The following LRP3 variants were observed in gnomAD, a reference collection of about 807,000 sequenced individuals.
LRP3 encodes low-density lipoprotein receptor-related protein 3.
LRP3 carries 49 observed loss-of-function variants against 58.5 expected under a neutral mutation model. The observed-to-expected ratio is 0.84, with a 90% CI of 0.67 to 1.06. LRP3 has a LOEUF of 1.06. Among genes scored for constraint, LRP3 ranks in the 50% least tolerant of loss-of-function variants. The pLI, the probability that LRP3 is intolerant of heterozygous loss-of-function variation, is 0.00. For synonymous variants in LRP3, 485 were observed against 492.2 expected (o/e 0.99, Z 0.20); for missense variants, 1,019 against 1,134.2 (o/e 0.90, Z 1.46).
intron 5 of LRP3, 100 bp from the exon 6 acceptor site, chr19:33,206,494 CTATATCT>C: frequency 1.3e-6 from 2 of 1,592,572 alleles, no homozygotes; most frequent in Non-Finnish European, 1.7e-6. Context: ...ACTGGGGTCC[CTATATCT>C]TGGGGTGTCT....
Position 33,202,932 on chromosome 19 carries a change from G to T in LRP3, c.206G>T (p.Gly69Val). The change falls in exon 3 of 7, where the codon GGC (glycine) becomes GTC (valine). Residue 69 changes from glycine (G) to valine (V), a missense_variant. Gly to Val is a moderately radical substitution (Grantham distance 109, BLOSUM62 -3). Around this residue, in one of 2 missense-constraint regions of LRP3, gnomAD observed 592 missense variants for 725.5 expected, o/e 0.82. Coordinates refer to ENST00000253193, the MANE Select transcript of LRP3 (RefSeq NM_002333.4). ...GCCTGGCCCCTCAACTACCCGCCAG[G>T]CACCAACTGCAGCTGGTACATCCAG... ...SPAWPLNYPP[G>V]TNCSWYIQGD... 6.2e-7 allele frequency: 1 copy of T among 1,612,430 alleles called. No individual in the cohort carries two copies. Among genetic ancestry groups the T allele is most frequent in the Non-Finnish European group, 8.5e-7 (1 of 1,179,436 alleles).
At position 33,194,356 on chromosome 19, in the gene LRP3, G is replaced by C. The variant is rs1004216194; in HGVS notation, c.-430G>C. On this transcript the variant is annotated 5_prime_UTR_variant, in exon 1 of 7. Coordinates refer to ENST00000253193, the MANE Select transcript of LRP3 (RefSeq NM_002333.4). ...ACAGACCCACGGACGCTCTACCGGC[G>C]GCACCCGGCCGGGCGGGCTGGGCGC... Among the ~76,000 whole-genome samples, 21 of 145,754 alleles carry C rather than the reference G, an allele frequency of 1.4e-4. No homozygotes were observed. Among genetic ancestry groups the C allele is most frequent in the Admixed American group, 1.3e-3 (19 of 14,704 alleles).
At position 33,195,897 on chromosome 19, in the gene LRP3, T is replaced by A. The variant is rs1041890369; in HGVS notation, c.74-833T>A. On this transcript the variant is annotated intron_variant, in intron 1 of 6. Coordinates refer to ENST00000253193, the MANE Select transcript of LRP3 (RefSeq NM_002333.4). ...ATGCTTAGGAGCTTTGGCCTGGCTC[T>A]GTCCAGGGGGCCTGGGTGTCCTGGG... 1.2e-4 allele frequency among the ~76,000 whole-genome samples: 19 copies of A among 152,284 alleles called. No homozygotes were observed. In the East Asian group the frequency reaches 3.5e-3, roughly 28 times the overall value.
chr19:33,206,053 G>T lies in LRP3; in HGVS notation c.1283G>T (p.Gly428Val). ...CAGTACCCCTGCGAGGGTGGCAGTGGTCTGTGCTACACGCCTGCCGACCGC... is the reference window on the plus strand; with the variant it reads ...CAGTACCCCTGCGAGGGTGGCAGTGTTCTGTGCTACACGCCTGCCGACCGC... The part of the protein sequence containing the change: ...PDQYPCEGGS[G>V]LCYTPADRCN... The change falls in exon 5 of 7, where the codon GGT becomes GTT. Residue 428 changes from glycine (G) to valine (V), a missense_variant. Gly to Val is a moderately radical substitution (Grantham distance 109). Around this residue, in one of 2 missense-constraint regions of LRP3, gnomAD observed 592 missense variants for 725.5 expected, o/e 0.82. Transcript: ENST00000253193. 6.2e-7 allele frequency: 1 copy of T among 1,602,620 alleles called. No homozygotes were observed. Among genetic ancestry groups the T allele is most frequent in the East Asian group, 2.3e-5 (1 of 44,330 alleles).
chr19:33,205,203 C>T lies in LRP3; in HGVS notation c.476-43C>T, dbSNP rs768088365. 6 of 1,581,442 alleles carry T rather than the reference C, an allele frequency of 3.8e-6. No individual in the cohort carries two copies. The East Asian group carries it at 1.4e-4, about 37-fold the overall frequency. ...CAGGCCCCCTGGCCGAAGGGAGGCT[C>T]TTCTGTCTCCTGACTGTCCCCTGCT... is the stretch of plus-strand genomic sequence containing the variant. On this transcript the variant is annotated intron_variant, in intron 4 of 6. Transcript: ENST00000253193.
intron 2 of LRP3, among the ~76,000 whole-genome samples, chr19:33,201,258 C>T (rs953800171): frequency 6.6e-6 from 1 of 152,174 alleles, no homozygotes; most frequent in Non-Finnish European, 1.5e-5. Flanking sequence ...TGGGGGCTAT[C>T]CCGGAGGGCT....
At position 33,205,849 on chromosome 19, in the gene LRP3, C is replaced by A; in HGVS notation, c.1079C>A (p.Ala360Asp). The change falls in exon 5 of 7, where the codon GCC (alanine) becomes GAC (aspartate). Residue 360 changes from alanine (A) to aspartate (D), a missense_variant. Coordinates refer to ENST00000253193, the MANE Select transcript of LRP3 (RefSeq NM_002333.4). ...CGCAGCGCCGGCCACGGCTTCAATG[C>A]CACCTACCAGGTGAAGGGCTATTGC... is the stretch of plus-strand genomic sequence containing the variant. ...RARSAGHGFNATYQVKGYCLP... is the reference protein window; with the variant it reads ...RARSAGHGFNDTYQVKGYCLP... The A allele has an allele frequency of 6.3e-7, 1 of 1,596,408 alleles. No individual in the cohort carries two copies. Among genetic ancestry groups the A allele is most frequent in the South Asian group, 1.1e-5 (1 of 89,758 alleles).
chr19:33,201,143 G>A (rs1048285666), intron 2 of LRP3, among the ~76,000 whole-genome samples: 4 of 152,238 alleles, frequency 2.6e-5, no homozygotes, highest in African/African-American at 9.6e-5. Context: ...CTGGGACATG[G>A]CACGGCCCTA....
rs1210339260 is a variant in LRP3, at chr19:33,204,396, C to G, written c.261-242C>G. 6.7e-5 allele frequency: 38 copies of G among 563,742 alleles called. No homozygotes were observed. The East Asian group carries it at 1.0e-3, about 15-fold the overall frequency. 34.9% of individuals were successfully genotyped at this position (563,742 alleles called of 1,614,324 possible). On this transcript the variant is annotated intron_variant, in intron 3 of 6. Coordinates refer to ENST00000253193, the MANE Select transcript of LRP3 (RefSeq NM_002333.4). ...GGAGCCGCAGCAGAGCTGGAAATGA[C>G]CTGCGTGGATGTCGCAATTCTTCAT...
At position 33,207,439 on chromosome 19, in the gene LRP3, C is replaced by T. The variant is rs767760172; in HGVS notation, c.2177C>T (p.Pro726Leu). The T allele has an allele frequency of 4.0e-5, 64 of 1,596,480 alleles. No individual in the cohort carries two copies. The highest frequency in any genetic ancestry group is 4.3e-5 in the Non-Finnish European group (51 of 1,176,016). The stretch of plus-strand genomic sequence containing the variant: ...CGGGAGCCCTGCTCAGCCCAGGACC[C>T]GCACCCCCAGGTCTCCACTGCCAGC... ...APREPCSAQDPHPQVSTASST... is the reference protein window; with the variant it reads ...APREPCSAQDLHPQVSTASST... Residue 726 changes from proline (P) to leucine (L), a missense_variant, in exon 7 of 7, where the codon CCG becomes CTG. Transcript: ENST00000253193.
At chr19:33,197,297 A>G (rs557811097) in intron 2 of LRP3, among the ~76,000 whole-genome samples, 9 of 152,048 alleles carry the variant, frequency 5.9e-5, no homozygotes, top group Non-Finnish European at 1.2e-4. Context: ...GGTGGAAGAA[A>G]GGTGTAAGTT....
At position 33,206,692 on chromosome 19, in the gene LRP3, A is replaced by T; in HGVS notation, c.1684A>T (p.Ile562Phe). 6.4e-7 allele frequency: 1 copy of T among 1,550,692 alleles called. No individual in the cohort carries two copies. The highest frequency in any genetic ancestry group is 8.7e-7 in the Non-Finnish European group (1 of 1,149,608). Reference protein sequence around the residue: ...SYGQLIAQGLIPPVEDFPVYS... With the variant: ...SYGQLIAQGLFPPVEDFPVYS... ...TGGTCAGCTCATCGCCCAGGGCCTC[A>T]TTCCACCCGTGGAGGACTTTCCTGT... Residue 562 changes from isoleucine to phenylalanine, a missense_variant, in exon 6 of 7, where the codon ATT (isoleucine) becomes TTT (phenylalanine). This residue lies in a region of LRP3 where 427 missense variants were observed against 408.6 expected (regional missense o/e 1.04). Transcript: ENST00000253193.
intron 2 of LRP3, among the ~76,000 whole-genome samples, chr19:33,202,595 C>A (rs1029573087): frequency 6.6e-6 from 1 of 152,156 alleles, no homozygotes; most frequent in Non-Finnish European, 1.5e-5. Flanking sequence ...ATGCGGGGGA[C>A]AGGACCTAGG....
At chr19:33,196,227 A>G (rs780276752) in intron 1 of LRP3, among the ~76,000 whole-genome samples, 8 of 152,070 alleles carry the variant, frequency 5.3e-5, no homozygotes, top group Non-Finnish European at 1.0e-4. Context: ...CTGGGCGAGC[A>G]AAGCCCCTTG....
chr19:33,204,350 TG>T, intron 3 of LRP3: 1 of 490,898 alleles, frequency 2.0e-6, no homozygotes, highest in East Asian at 3.5e-5. Flanking sequence ...GGGGGTACTG[TG>T]TGCACTGATG....
chr19:33,200,349 G>T (rs896172259), intron 2 of LRP3, among the ~76,000 whole-genome samples: 1 of 151,882 alleles, frequency 6.6e-6, no homozygotes, highest in Admixed American at 6.6e-5. Flanking sequence ...CTCCTGCCTC[G>T]GCCTCCTGAG....
In LRP3 at chr19:33,207,721, A is replaced by C; in HGVS notation, c.*146A>C. 1.6e-6 allele frequency: 1 copy of C among 636,866 alleles called. No individual in the cohort carries two copies. Among genetic ancestry groups the C allele is most frequent in the South Asian group, 1.9e-5 (1 of 52,562 alleles). 39.5% of individuals were successfully genotyped at this position (636,866 alleles called of 1,614,324 possible). A position where few individuals can be genotyped will look rare whatever the true frequency, so the allele number is the denominator to read the frequency against. On this transcript the variant is annotated 3_prime_UTR_variant, in exon 7 of 7. Coordinates refer to ENST00000253193, the MANE Select transcript of LRP3 (RefSeq NM_002333.4). Reference sequence around the variant, plus strand: ...GCTGGCCCCTAAGCCAGCTGGCTGCACTGGTGGGCGGGAGCTGTGGGACTG... The same window carrying C: ...GCTGGCCCCTAAGCCAGCTGGCTGCCCTGGTGGGCGGGAGCTGTGGGACTG...
Position 33,208,067 on chromosome 19 carries a change from A to C in LRP3, c.*492A>C. On this transcript the variant is annotated 3_prime_UTR_variant, in exon 7 of 7. Coordinates refer to ENST00000253193, the MANE Select transcript of LRP3 (RefSeq NM_002333.4). This position sits in a 1 kb window ranked among gnomAD's most constrained non-coding sequence, Gnocchi z 4.7. ...GTTGGGTGGCTCCTGCCAAACCCTCATGCCCCTGGCCAGGCAGGCGCCCTT... is the reference window on the plus strand; with the variant it reads ...GTTGGGTGGCTCCTGCCAAACCCTCCTGCCCCTGGCCAGGCAGGCGCCCTT... 1 of 167,916 alleles carries C rather than the reference A, an allele frequency of 6.0e-6. No homozygotes were observed. The highest frequency in any genetic ancestry group is 1.3e-5 in the Non-Finnish European group (1 of 77,036). 10.4% of individuals were successfully genotyped at this position (167,916 alleles called of 1,614,324 possible).
rs376835066 is a variant in LRP3, at chr19:33,202,842, C to T, written c.122-6C>T. On this transcript the variant is annotated splice_polypyrimidine_tract_variant and splice_region_variant and intron_variant, in intron 2 of 6. Transcript: ENST00000253193. ...GCCGGCCTTTCTCGGCCTCCTCTCC[C>T]GACAGCGGCCTGCAGTGGGAAGCTG... is the stretch of plus-strand genomic sequence containing the variant. 2.6e-5 allele frequency: 42 copies of T among 1,605,438 alleles called. No individual in the cohort carries two copies. The highest frequency in any genetic ancestry group is 1.8e-4 in the East Asian group (8 of 44,580).
Sources: gnomAD v4.1 joint callset for allele counts (sites outside exome capture counted in the v4.1 genomes callset) on GRCh38, gnomAD v4.1.1 for gene constraint, gnomAD v4.1.1 regional missense constraint, Gnocchi (gnomAD v3.1) non-coding constraint, MANE v1.5 for transcripts, NCBI Gene and HGNC (gene_info 2026-07-23, HGNC 2026-07-21) for gene names.